The following NTN1 variants were observed in gnomAD, a reference collection of about 807,000 sequenced individuals.
NTN1 encodes netrin 1, also known as netrin-1.
NTN1 carries 11 observed loss-of-function variants against 54.2 expected under a neutral mutation model. That is an observed-to-expected ratio of 0.20 (90% CI 0.13 to 0.34). The LOEUF (loss-of-function observed/expected upper bound fraction) is 0.34, where lower values mean the gene tolerates loss of function less well. Among genes scored for constraint, NTN1 ranks in the 10% least tolerant of loss-of-function variants. NTN1 has a pLI of 1.00. For missense variants in NTN1, 740 were observed against 893.1 expected (o/e 0.83, Z 2.18); for synonymous variants, 371 against 382.0 (o/e 0.97, Z 0.33).
the NTN1 span, among the ~76,000 whole-genome samples, chr17:9,004,074 G>C: frequency 2.0e-5 from 3 of 152,218 alleles, no homozygotes; most frequent in Non-Finnish European, 2.9e-5. Flanking sequence ...GGCCGCAGGG[G>C]ACAAAGAGAT....
At chr17:9,140,114 G>A (rs1015165695) in intron 2 of NTN1, among the ~76,000 whole-genome samples, 10 of 152,072 alleles carry the variant, frequency 6.6e-5, no homozygotes, top group African/African-American at 2.2e-4. Context: ...AGTTTAATAA[G>A]TGATGGCCAC....
chr17:9,048,421 T>C (rs2091948048), intron 2 of NTN1, among the ~76,000 whole-genome samples: 1 of 152,174 alleles, frequency 6.6e-6, no homozygotes, highest in Non-Finnish European at 1.5e-5. Context: ...TGTTGTTCCA[T>C]TTATAGGGCA....
At chr17:9,150,491 C>T (rs2092324216) in intron 2 of NTN1, among the ~76,000 whole-genome samples, 1 of 152,222 alleles carries the variant, frequency 6.6e-6, no homozygotes, top group Non-Finnish European at 1.5e-5. Context: ...CACTCACCCT[C>T]TGCCTGGGGC....
At chr17:9,028,237 G>A (rs955156546) in intron 2 of NTN1, among the ~76,000 whole-genome samples, 7 of 152,362 alleles carry the variant, frequency 4.6e-5, no homozygotes, top group Admixed American at 1.3e-4. Flanking sequence ...ACAAAGAGAG[G>A]AGGTGGATGG....
chr17:9,058,611 A>G (rs1323753557), intron 2 of NTN1, among the ~76,000 whole-genome samples: 1 of 138,764 alleles, frequency 7.2e-6, no homozygotes, highest in African/African-American at 2.7e-5. Context: ...GGGTCCATGT[A>G]AGATCCTTGG....
chr17:9,087,499 T>C lies in NTN1; in HGVS notation c.1018+64108T>C, dbSNP rs143466152. Among the ~76,000 whole-genome samples the C allele has an allele frequency of 4.2e-3, 634 of 152,300 alleles. 8 individuals carry two copies. Among genetic ancestry groups the C allele is most frequent in the African/African-American group, 0.014 (595 of 41,552 alleles). ...AAGTGGGAGGGGACCGTGATTGGCTTGTGCTGTAGGAAGATCACTCTGGTC... is the reference window on the plus strand; with the variant it reads ...AAGTGGGAGGGGACCGTGATTGGCTCGTGCTGTAGGAAGATCACTCTGGTC... On this transcript the variant is annotated intron_variant, in intron 2 of 6. Transcript: ENST00000173229.
chr17:9,059,841 A>T (rs777321090), intron 2 of NTN1, among the ~76,000 whole-genome samples: 98 of 151,876 alleles, frequency 6.5e-4, no homozygotes, highest in Non-Finnish European at 1.2e-3. Context: ...AAAAAAAAAA[A>T]AAAAAAGACC....
chr17:9,095,808 CT>C (rs947626722), intron 2 of NTN1, among the ~76,000 whole-genome samples: 2 of 149,852 alleles, frequency 1.3e-5, no homozygotes, highest in Non-Finnish European at 1.5e-5. Flanking sequence ...TTTTCTTTTT[CT>C]TTTTTTTTGA....
intron 5 of NTN1, among the ~76,000 whole-genome samples, chr17:9,215,250 T>TACACACACACACACAC (rs58245153): frequency 2.2e-5 from 3 of 138,206 alleles, no homozygotes; most frequent in African/African-American, 8.1e-5. Context: ...GCTAGATAGA[T>TACACACACACACACAC]ACACACACAC....
chr17:9,238,628 A>T (rs1382332080), intron 6 of NTN1, among the ~76,000 whole-genome samples: 1 of 152,234 alleles, frequency 6.6e-6, no homozygotes, highest in Non-Finnish European at 1.5e-5. Context: ...CAACACACGT[A>T]TACAGGATTC....
intron 5 of NTN1, among the ~76,000 whole-genome samples, chr17:9,204,427 G>A (rs1451909665): frequency 6.6e-6 from 1 of 152,006 alleles, no homozygotes; most frequent in Non-Finnish European, 1.5e-5. Context: ...CTGAGTAGCT[G>A]GGACTACAGG....
chr17:9,115,489 C>T (rs1234641115), intron 2 of NTN1, among the ~76,000 whole-genome samples: 5 of 152,252 alleles, frequency 3.3e-5, no homozygotes, highest in Admixed American at 6.5e-5. Context: ...TCCTCATCCA[C>T]GTGACGTTCC....
rs190763701 is a variant in NTN1, at chr17:9,079,180, C to T, written c.1018+55789C>T. On this transcript the variant is annotated intron_variant, in intron 2 of 6. Coordinates refer to ENST00000173229, the MANE Select transcript of NTN1 (RefSeq NM_004822.3). ...AGCTGAGGTTGTGATGGAAGGACCC[C>T]TTCTGTAGACCCCCTGTTGCTGTGC... Among the ~76,000 whole-genome samples the T allele has an allele frequency of 3.0e-3, 462 of 152,318 alleles. 2 individuals are homozygous for T. The highest frequency in any genetic ancestry group is 0.011 in the African/African-American group (449 of 41,558).
chr17:9,231,595 C>T (rs756622306), intron 6 of NTN1, among the ~76,000 whole-genome samples: 3 of 152,240 alleles, frequency 2.0e-5, no homozygotes, highest in Non-Finnish European at 4.4e-5. Context: ...GAAATGCCAG[C>T]CCGGCTTGCG....
chr17:9,102,754 G>A (rs2092154662), intron 2 of NTN1, among the ~76,000 whole-genome samples: 1 of 152,200 alleles, frequency 6.6e-6, no homozygotes, highest in African/African-American at 2.4e-5. Context: ...TAGAAAAGTA[G>A]CTTGTGATAT....
intron 2 of NTN1, among the ~76,000 whole-genome samples, chr17:9,126,337 T>C (rs570520881): frequency 1.3e-5 from 2 of 152,278 alleles, no homozygotes; most frequent in African/African-American, 4.8e-5. Context: ...AAAGAAACCC[T>C]GTCTCTACAA....
intron 2 of NTN1, among the ~76,000 whole-genome samples, chr17:9,101,876 C>T (rs1040443399): frequency 1.6e-4 from 24 of 152,152 alleles, no homozygotes; most frequent in Admixed American, 1.2e-3. Context: ...ACCTGTAGTC[C>T]CAGCTGCTGG....
chr17:9,057,046 G>A (rs1046615345), intron 2 of NTN1, among the ~76,000 whole-genome samples: 1 of 152,014 alleles, frequency 6.6e-6, no homozygotes, highest in African/African-American at 2.4e-5. Flanking sequence ...AATCTTATTT[G>A]GAAACTCAGT....
rs145180718 is a variant in NTN1 at position 9,109,363 on chromosome 17, T to A, written c.1019-53450T>A. ...TGCATCTTTGCACAATACAGAGTGT[T>A]GTCTGTGAGTTACTTTATCTAAGTG... On this transcript the variant is annotated intron_variant, in intron 2 of 6. Transcript: ENST00000173229. 7.9e-3 allele frequency among the ~76,000 whole-genome samples: 1,197 copies of A among 152,360 alleles called. 16 individuals carry two copies. Among genetic ancestry groups the A allele is most frequent in the African/African-American group, 0.027 (1,115 of 41,572 alleles).
Sources: gnomAD v4.1 joint callset for allele counts (sites outside exome capture counted in the v4.1 genomes callset) on GRCh38, gnomAD v4.1.1 for gene constraint, MANE v1.5 for transcripts, NCBI Gene and HGNC (gene_info 2026-07-23, HGNC 2026-07-21) for gene names.